The following TRAPPC8 variants were observed in gnomAD, a reference collection of about 807,000 sequenced individuals.
TRAPPC8 encodes the protein general sporulation gene 1 homolog.
Under a neutral mutation model 174.3 loss-of-function variants are expected in TRAPPC8, and 54 were observed. That is an observed-to-expected ratio of 0.31 (90% CI 0.25 to 0.39). The LOEUF (loss-of-function observed/expected upper bound fraction) is 0.39, where lower values mean the gene tolerates loss of function less well. Among genes scored for constraint, TRAPPC8 ranks in the 10% least tolerant of loss-of-function variants. TRAPPC8 has a pLI of 1.00. For missense variants in TRAPPC8, 1,531 were observed against 1,699.1 expected (o/e 0.90, Z 1.74); for synonymous variants, 630 against 579.9 (o/e 1.09, Z -1.24).
At chr18:31,927,003 A>AC (rs1415657363) in intron 2 of TRAPPC8, among the ~76,000 whole-genome samples, 11 of 152,208 alleles carry the variant, frequency 7.2e-5, no homozygotes, top group African/African-American at 2.4e-4. Context: ...CATAATCAAT[A>AC]CCCGAGGAAA....
At chr18:31,855,429 A>G (rs1207895144) in intron 21 of TRAPPC8, among the ~76,000 whole-genome samples, 4 of 152,192 alleles carry the variant, frequency 2.6e-5, no homozygotes, top group East Asian at 3.8e-4. Context: ...ACTATATAGC[A>G]TATCAGTGTG....
chr18:31,869,321 T>G (rs1041500613), intron 16 of TRAPPC8, among the ~76,000 whole-genome samples: 1 of 152,086 alleles, frequency 6.6e-6, no homozygotes, highest in Non-Finnish European at 1.5e-5. Flanking sequence ...CAGCAATCAA[T>G]GAAATGGAAA....
chr18:31,871,489 AC>A lies in TRAPPC8; in HGVS notation c.2063-370del, dbSNP rs535206124. On this transcript the variant is annotated intron_variant, in intron 14 of 28. Transcript: ENST00000283351. ...CCCAAATATTTTTAATAAAAAAAAAACATCACAGATAGAGTCGATGTCCTCT... is the reference window on the plus strand; with the variant it reads ...CCCAAATATTTTTAATAAAAAAAAAAATCACAGATAGAGTCGATGTCCTCT... Among the ~76,000 whole-genome samples, 279 of 152,122 alleles carry A rather than the reference AC, an allele frequency of 1.8e-3. 4 individuals carry two copies. In the South Asian group the frequency reaches 0.019, roughly 10 times the overall value.
intron 16 of TRAPPC8, 42 bp from the exon 17 acceptor site, chr18:31,867,518 A>G: frequency 7.6e-7 from 1 of 1,317,424 alleles, no homozygotes; most frequent in Non-Finnish European, 1.1e-6. Context: ...CAATGAACAA[A>G]GTATCAGATT....
At chr18:31,891,578 G>A (rs886470030) in intron 11 of TRAPPC8, among the ~76,000 whole-genome samples, 11 of 152,052 alleles carry the variant, frequency 7.2e-5, no homozygotes, top group African/African-American at 2.7e-4. Context: ...CAAATCTTTT[G>A]ACTGAAAGAG....
chr18:31,856,224 A>G (rs1479681345), intron 20 of TRAPPC8, among the ~76,000 whole-genome samples: 1 of 152,030 alleles, frequency 6.6e-6, no homozygotes, highest in Non-Finnish European at 1.5e-5. Flanking sequence ...CTCCTGCCTC[A>G]GTCTCTGAGT....
At position 31,867,850 on chromosome 18, in the gene TRAPPC8, G is replaced by T. The variant is rs111340725; in HGVS notation, c.2389-374C>A. On this transcript the variant is annotated intron_variant, in intron 16 of 28. Transcript: ENST00000283351. ...GTCAAGATGGCGCCACTGCACTCCA[G>T]CCTGGGTGACAGAGCGAGACTCTGT... 2.9e-3 allele frequency among the ~76,000 whole-genome samples: 434 copies of T among 152,226 alleles called. 2 individuals carry two copies. The highest frequency in any genetic ancestry group is 9.6e-3 in the African/African-American group (397 of 41,530).
chr18:31,877,416 T>C (rs1319040428), intron 12 of TRAPPC8, among the ~76,000 whole-genome samples: 7 of 149,934 alleles, frequency 4.7e-5, no homozygotes, highest in Non-Finnish European at 7.4e-5. Flanking sequence ...ATCGAGACCA[T>C]CCTGGCTAAC....
chr18:31,931,282 C>A (rs1412577335), intron 2 of TRAPPC8, 47 bp downstream of exon 2: 6 of 1,461,206 alleles, frequency 4.1e-6, no homozygotes, highest in Non-Finnish European at 5.4e-6. Flanking sequence ...CTTTTTCTAA[C>A]AAAACGAAAT....
intron 1 of TRAPPC8, among the ~76,000 whole-genome samples, chr18:31,940,537 TTTG>T (rs770435754): frequency 3.3e-3 from 454 of 137,332 alleles, no homozygotes; most frequent in African/African-American, 0.012. Context: ...ACTAAAATTT[TTTG>T]TTGTTGTTGT....
intron 9 of TRAPPC8, among the ~76,000 whole-genome samples, chr18:31,904,868 A>G (rs2036591302): frequency 6.6e-6 from 1 of 152,042 alleles, no homozygotes; most frequent in Non-Finnish European, 1.5e-5. Flanking sequence ...CATTTCTACT[A>G]AAAATTCAAA....
intron 12 of TRAPPC8, among the ~76,000 whole-genome samples, chr18:31,886,166 T>C (rs966108259): frequency 5.9e-5 from 9 of 151,416 alleles, no homozygotes; most frequent in Non-Finnish European, 8.8e-5. Context: ...CCACCATGCC[T>C]GGCTAATTTT....
At chr18:31,853,516 T>C (rs1016567865) in intron 22 of TRAPPC8, among the ~76,000 whole-genome samples, 1 of 151,928 alleles carries the variant, frequency 6.6e-6, no homozygotes, top group African/African-American at 2.4e-5. Context: ...GATCCGCCCA[T>C]CTCAGCCTCC....
chr18:31,833,370 A>G (rs2032492860), intron 27 of TRAPPC8: 1 of 152,042 alleles, frequency 6.6e-6, no homozygotes, highest in South Asian at 2.1e-4. Context: ...AGTGAAGAGC[A>G]CCCCCATCTA....
At chr18:31,900,853 T>G in intron 10 of TRAPPC8, 72 bp downstream of exon 10, 1 of 1,155,914 alleles carries the variant, frequency 8.7e-7, no homozygotes, top group Non-Finnish European at 1.2e-6. Flanking sequence ...AGTTTAGGAA[T>G]GGGGAAAAAA....
chr18:31,913,925 G>C (rs2037024258), intron 4 of TRAPPC8, among the ~76,000 whole-genome samples: 1 of 151,958 alleles, frequency 6.6e-6, no homozygotes, highest in Admixed American at 6.6e-5. Context: ...CAGCACTTTG[G>C]AAGGCCAAGG....
intron 1 of TRAPPC8, among the ~76,000 whole-genome samples, chr18:31,932,855 G>A (rs919008446): frequency 2.2e-4 from 33 of 151,996 alleles, no homozygotes; most frequent in Admixed American, 5.3e-4. Flanking sequence ...GGTGGCGGGC[G>A]CCTGTAATCC....
At chr18:31,897,216 C>T (rs1171176519) in intron 11 of TRAPPC8, among the ~76,000 whole-genome samples, 1 of 152,162 alleles carries the variant, frequency 6.6e-6, no homozygotes, top group Non-Finnish European at 1.5e-5. Context: ...TACAAGCCTG[C>T]AGTCAATGTA....
chr18:31,919,174 C>T (rs759116712), intron 2 of TRAPPC8, among the ~76,000 whole-genome samples: 1 of 152,056 alleles, frequency 6.6e-6, no homozygotes, highest in African/African-American at 2.4e-5. Context: ...ACTACTATCA[C>T]GATTTCATGT....
Sources: gnomAD v4.1 joint callset for allele counts (sites outside exome capture counted in the v4.1 genomes callset) on GRCh38, gnomAD v4.1.1 for gene constraint, MANE v1.5 for transcripts, NCBI Gene and HGNC (gene_info 2026-07-23, HGNC 2026-07-21) for gene names.